The following DOCK4 variants were observed in gnomAD, a reference collection of about 807,000 sequenced individuals.
DOCK4 encodes the protein dedicator of cytokinesis protein 4.
A neutral mutation model predicts 268.1 loss-of-function variants in DOCK4; 97 were observed. The ratio of observed to expected loss-of-function variants is 0.36; its 90% confidence interval spans 0.31 to 0.43. The LOEUF (loss-of-function observed/expected upper bound fraction) is 0.43. DOCK4 is among the 20% of genes least tolerant of loss of function. The pLI, the probability that DOCK4 is intolerant of heterozygous loss-of-function variation, is 1.00. For synonymous variants in DOCK4, 954 were observed against 887.2 expected (o/e 1.08, Z -1.34); for missense variants, 2,145 against 2,455.7 (o/e 0.87, Z 2.67).
At chr7:112,131,701 A>G (rs952671475) in intron 1 of DOCK4, among the ~76,000 whole-genome samples, 6 of 152,188 alleles carry the variant, frequency 3.9e-5, no homozygotes, top group African/African-American at 1.4e-4. Flanking sequence ...AAATCATGTC[A>G]GCTAATGAGA....
chr7:112,057,174 A>G (rs6466398), intron 1 of DOCK4, among the ~76,000 whole-genome samples: 21,608 of 152,050 alleles, frequency 0.14, 5,183 homozygotes, highest in African/African-American at 0.49. Flanking sequence ...AGCAGCTCAG[A>G]AGGCAGAGGC....
chr7:111,829,936 G>A, intron 26 of DOCK4, among the ~76,000 whole-genome samples: 1 of 152,034 alleles, frequency 6.6e-6, no homozygotes, highest in East Asian at 1.9e-4. Flanking sequence ...TTTTATTGGA[G>A]GTGCTATATA....
At chr7:111,791,276 T>TACACACACACAC (rs147004808) in intron 30 of DOCK4, among the ~76,000 whole-genome samples, 2,930 of 134,814 alleles carry the variant, frequency 0.022, 67 homozygotes, top group African/African-American at 0.048. Flanking sequence ...ATTTAAAAAA[T>TACACACACACAC]ACACACACAC....
chr7:111,995,525 T>C (rs1458355380), intron 4 of DOCK4, among the ~76,000 whole-genome samples: 10 of 151,680 alleles, frequency 6.6e-5, no homozygotes, highest in Admixed American at 5.3e-4. Context: ...TACTGATATA[T>C]TGATTGAGAC....
At chr7:112,180,657 T>A (rs1818943551) in intron 1 of DOCK4, among the ~76,000 whole-genome samples, 1 of 152,126 alleles carries the variant, frequency 6.6e-6, no homozygotes, top group African/African-American at 2.4e-5. Context: ...CCTGTAGATA[T>A]ATATATGTCT....
chr7:112,205,772 GAC>G (rs35579043), intron 1 of DOCK4, among the ~76,000 whole-genome samples: 2,137 of 148,270 alleles, frequency 0.014, 46 homozygotes, highest in African/African-American at 0.043. Context: ...CTTCCAACTT[GAC>G]ACACACACAC....
chr7:112,094,944 G>A (rs568279563), intron 1 of DOCK4, among the ~76,000 whole-genome samples: 1 of 152,276 alleles, frequency 6.6e-6, no homozygotes, highest in East Asian at 1.9e-4. Flanking sequence ...AGAAGCAGAT[G>A]CCAGCACCAT....
chr7:111,780,259 A>AT (rs146128144), intron 35 of DOCK4, among the ~76,000 whole-genome samples: 3,178 of 151,494 alleles, frequency 0.021, 123 homozygotes, highest in African/African-American at 0.072. Context: ...TGCATCATAA[A>AT]TTTTTTTTTC....
Position 112,013,667 on chromosome 7 carries a change from G to A in DOCK4, c.38-9536C>T, listed in dbSNP as rs1028185908. ...ACGCAAGCATCCTCCTCGGTCACAC[G>A]TGTCCATGTGAAGAGACCAGCAAAC... On this transcript the variant is annotated intron_variant, in intron 1 of 52. Coordinates refer to ENST00000428084, the MANE Select transcript of DOCK4 (RefSeq NM_001363540.2). 2.6e-5 allele frequency among the ~76,000 whole-genome samples: 4 copies of A among 152,292 alleles called. 1 individual carries two copies. Among genetic ancestry groups the A allele is most frequent in the African/African-American group, 9.6e-5 (4 of 41,550 alleles).
At chr7:111,871,661 A>G (rs1806438979) in intron 20 of DOCK4, among the ~76,000 whole-genome samples, 1 of 152,234 alleles carries the variant, frequency 6.6e-6, no homozygotes, top group African/African-American at 2.4e-5. Flanking sequence ...CAGGGAGTAC[A>G]GTGATGAAGT....
intron 42 of DOCK4, among the ~76,000 whole-genome samples, chr7:111,748,053 T>C (rs1460115412): frequency 6.6e-6 from 1 of 152,182 alleles, no homozygotes; most frequent in African/African-American, 2.4e-5. Context: ...TCATAATGAC[T>C]TAAAAATTCC....
intron 1 of DOCK4, among the ~76,000 whole-genome samples, chr7:112,059,131 T>C (rs1394257111): frequency 1.4e-5 from 2 of 145,324 alleles, no homozygotes; most frequent in African/African-American, 5.6e-5. Flanking sequence ...ACTGCAGCAT[T>C]TCCTTTTTTT....
intron 39 of DOCK4, among the ~76,000 whole-genome samples, chr7:111,761,322 A>G (rs1797393168): frequency 6.6e-6 from 1 of 152,120 alleles, no homozygotes; most frequent in Non-Finnish European, 1.5e-5. Flanking sequence ...GGCCTCCCAT[A>G]GTGCTGGGAT....
At chr7:112,196,610 G>A (rs943289332) in intron 1 of DOCK4, among the ~76,000 whole-genome samples, 26 of 152,240 alleles carry the variant, frequency 1.7e-4, no homozygotes, top group African/African-American at 6.3e-4. Flanking sequence ...GCTCCAAGTT[G>A]GATGTATTGA....
At chr7:111,841,312 C>T (rs2134062678) in intron 25 of DOCK4, among the ~76,000 whole-genome samples, 1 of 152,004 alleles carries the variant, frequency 6.6e-6, no homozygotes, top group East Asian at 1.9e-4. Flanking sequence ...TTACAGGTAC[C>T]CACCAACAGG....
chr7:112,165,360 T>C (rs573866116), intron 1 of DOCK4, among the ~76,000 whole-genome samples: 1 of 152,278 alleles, frequency 6.6e-6, no homozygotes. Flanking sequence ...TATCTTTCCA[T>C]GCTCTACGTC....
chr7:112,098,472 C>T (rs1180423881), intron 1 of DOCK4, among the ~76,000 whole-genome samples: 1 of 151,042 alleles, frequency 6.6e-6, no homozygotes, highest in Non-Finnish European at 1.5e-5. Flanking sequence ...CCACAGCGTC[C>T]AGCCTATAAA....
At chr7:111,834,941 T>C (rs975696208) in intron 25 of DOCK4, among the ~76,000 whole-genome samples, 5 of 151,992 alleles carry the variant, frequency 3.3e-5, no homozygotes, top group Admixed American at 3.3e-4. Context: ...TTAACTTGAG[T>C]GGAAGCTTTT....
intron 6 of DOCK4, among the ~76,000 whole-genome samples, chr7:111,985,190 C>T (rs73430827): frequency 0.014 from 2,137 of 152,238 alleles, 40 homozygotes; most frequent in African/African-American, 0.048. Context: ...AGGGCACCCA[C>T]GGTACAATGC....
Sources: allele counts gnomAD v4.1 joint callset (sites outside exome capture counted in the v4.1 genomes callset), GRCh38; gene constraint gnomAD v4.1.1; transcripts MANE v1.5; gene names NCBI Gene and HGNC (gene_info 2026-07-23, HGNC 2026-07-21).